CLEC2D: variants seen among roughly 807,000 people sequenced by gnomAD.
CLEC2D encodes C-type lectin domain family 2 member D, also known as C-type lectin related f.
Under a neutral mutation model 20.0 loss-of-function variants are expected in CLEC2D, and 16 were observed. The ratio of observed to expected loss-of-function variants is 0.80; its 90% CI spans 0.54 to 1.22. The LOEUF (loss-of-function observed/expected upper bound fraction) is 1.22. CLEC2D is among the 50% of genes most tolerant of loss of function. The probability of loss-of-function intolerance (pLI) is 0.00; values close to 1 mark genes in which losing one functional copy is unlikely to be tolerated. For missense variants in CLEC2D, 207 were observed against 221.5 expected (o/e 0.93, Z 0.42); for synonymous variants, 77 against 71.1 (o/e 1.08, Z -0.42).
intron 1 of CLEC2D, among the ~76,000 whole-genome samples, chr12:9,680,413 G>T (rs1865610481): frequency 6.6e-6 from 1 of 152,100 alleles, no homozygotes; most frequent in Non-Finnish European, 1.5e-5. Context: ...TGGCTCAGAG[G>T]CCCTCCATGT....
chr12:9,699,241 C>G lies in CLEC2D; in HGVS notation c.*4367C>G, dbSNP rs756434379. ...GGTGATCACTCTGATTCTCTGCATGCATTTTTATAGATTTGTTTGCCATTT... is the reference window on the plus strand; with the variant it reads ...GGTGATCACTCTGATTCTCTGCATGGATTTTTATAGATTTGTTTGCCATTT... On this transcript the variant is annotated 3_prime_UTR_variant, in exon 5 of 5. Transcript: ENST00000290855. The G allele has an allele frequency of 2.0e-5, 3 of 152,174 alleles. No individual in the cohort carries two copies. Among genetic ancestry groups the G allele is most frequent in the Non-Finnish European group, 4.4e-5 (3 of 68,036 alleles). The allele number at this position is 152,174 out of a possible 1,614,324, so 9.4% of individuals were successfully genotyped here.
chr12:9,677,420 T>G (rs1865541570), intron 1 of CLEC2D, among the ~76,000 whole-genome samples: 1 of 152,086 alleles, frequency 6.6e-6, no homozygotes, highest in African/African-American at 2.4e-5. Flanking sequence ...TGGAGATTAG[T>G]GGGATTTTAA....
At chr12:9,692,443 T>C (rs1224676092) in intron 3 of CLEC2D, among the ~76,000 whole-genome samples, 1 of 152,144 alleles carries the variant, frequency 6.6e-6, no homozygotes, top group Non-Finnish European at 1.5e-5. Flanking sequence ...GTGTCATTTC[T>C]TAAAGTTGAC....
rs1865963924 is a variant in CLEC2D at position 9,695,556 on chromosome 12, C to A, written c.*682C>A. The A allele has an allele frequency of 2.2e-6, 3 of 1,355,432 alleles. No individual in the cohort carries two copies. Among genetic ancestry groups the A allele is most frequent in the Admixed American group, 3.4e-5 (2 of 59,494 alleles). 84.0% of individuals were successfully genotyped at this position (1,355,432 alleles called of 1,614,324 possible). On this transcript the variant is annotated 3_prime_UTR_variant, in exon 5 of 5. Transcript: ENST00000290855. Reference sequence around the variant, plus strand: ...GGGCTGGTGCAAAGGATGAACTGCACATTGTTGAAGCAGAGGCCATGAATG... The same window carrying A: ...GGGCTGGTGCAAAGGATGAACTGCAAATTGTTGAAGCAGAGGCCATGAATG...
rs3764021 is a variant in CLEC2D, at chr12:9,681,032, C to T, written c.171C>T (p.Ser57=). 675,943 of 1,465,574 alleles carry T rather than the reference C, an allele frequency of 0.46. 157,513 individuals carry two copies. Among genetic ancestry groups the T allele is most frequent in the Middle Eastern group, 0.57 (3,288 of 5,772 alleles). 90.8% of individuals were successfully genotyped at this position (1,465,574 alleles called of 1,614,324 possible). The change falls in exon 2 of 5, where the codon AGC becomes AGT. Residue 57 remains serine, a splice_region_variant and synonymous_variant. Transcript: ENST00000290855. ...IIVCGMVAAL[S]AIRANCHQEP... ...TGTGTGGAATGGTTGCTGCTTTAAG[C>T]GGTAAGTGAACTGTAATCTTTATTC...
rs184493623 is a variant in CLEC2D at position 9,699,548 on chromosome 12, T to G, written c.*4674T>G. The G allele has an allele frequency of 6.6e-6, 1 of 152,306 alleles. No homozygotes were observed. The highest frequency in any genetic ancestry group is 2.4e-5 in the African/African-American group (1 of 41,564). 9.4% of individuals were successfully genotyped at this position (152,306 alleles called of 1,614,324 possible). On this transcript the variant is annotated 3_prime_UTR_variant, in exon 5 of 5. Transcript: ENST00000290855. Reference sequence around the variant, plus strand: ...ATAAACACTTTGAAAGGCAGTGAACTGTAAATATATTACAGCTATCTCTTA... The same window carrying G: ...ATAAACACTTTGAAAGGCAGTGAACGGTAAATATATTACAGCTATCTCTTA...
chr12:9,672,523 C>T (rs1242859686), intron 1 of CLEC2D, among the ~76,000 whole-genome samples: 1 of 152,124 alleles, frequency 6.6e-6, no homozygotes, highest in Non-Finnish European at 1.5e-5. Context: ...TCCATTTCGA[C>T]CTTGGAGTAT....
At chr12:9,683,611 A>G (rs1329003892) in intron 2 of CLEC2D, among the ~76,000 whole-genome samples, 1 of 152,032 alleles carries the variant, frequency 6.6e-6, no homozygotes, top group Non-Finnish European at 1.5e-5. Flanking sequence ...TTTTCTCAAC[A>G]CCATTTATTA....
chr12:9,685,698 C>T (rs948780748), intron 2 of CLEC2D, among the ~76,000 whole-genome samples: 2 of 152,164 alleles, frequency 1.3e-5, no homozygotes, highest in African/African-American at 4.8e-5. Context: ...GGCGGATGCA[C>T]CTCCCCTCAC....
chr12:9,679,240 T>A (rs1308258881), intron 1 of CLEC2D, among the ~76,000 whole-genome samples: 1 of 152,158 alleles, frequency 6.6e-6, no homozygotes, highest in Admixed American at 6.5e-5. Flanking sequence ...GAAAAATAGT[T>A]TTATTTTACC....
At chr12:9,685,546 A>G (rs1345260888) in intron 2 of CLEC2D, among the ~76,000 whole-genome samples, 1 of 152,182 alleles carries the variant, frequency 6.6e-6, no homozygotes, top group African/African-American at 2.4e-5. Flanking sequence ...CCCAGAGAGG[A>G]GGAATCTAGA....
In CLEC2D at chr12:9,695,601, A is replaced by G; in HGVS notation, c.*727A>G. 2 of 1,549,782 alleles carry G rather than the reference A, an allele frequency of 1.3e-6. No homozygotes were observed. Among genetic ancestry groups the G allele is most frequent in the South Asian group, 2.2e-5 (2 of 90,006 alleles). ...TGAATGACGAAGGCAGTCCAATTAA[A>G]GTAACACTGGCAACTTTGAAAATGT... On this transcript the variant is annotated 3_prime_UTR_variant, in exon 5 of 5. Transcript: ENST00000290855.
Position 9,688,001 on chromosome 12 carries a change from A to G in CLEC2D, c.272A>G (p.Asp91Gly). 1 of 1,613,064 alleles carries G rather than the reference A, an allele frequency of 6.2e-7. No individual in the cohort carries two copies. Among genetic ancestry groups the G allele is most frequent in the Non-Finnish European group, 8.5e-7 (1 of 1,179,540 alleles). ...CAAAGAAAGTGTTTCTATTTTTCTGATGACACCAAGAACTGGACATCAAGT... is the reference window on the plus strand; with the variant it reads ...CAAAGAAAGTGTTTCTATTTTTCTGGTGACACCAAGAACTGGACATCAAGT... ...GFQRKCFYFSDDTKNWTSSQR... is the reference protein window; with the variant it reads ...GFQRKCFYFSGDTKNWTSSQR... Residue 91 changes from aspartate to glycine, a missense_variant, in exon 3 of 5, where the codon GAT becomes GGT. Physicochemically the swap from Asp to Gly is moderately conservative, Grantham distance 94 (BLOSUM62 -1). Transcript: ENST00000290855.
At chr12:9,681,160 C>A (rs780655758) in intron 2 of CLEC2D, 127 bp downstream of exon 2, 2 of 559,290 alleles carry the variant, frequency 3.6e-6, no homozygotes, top group Non-Finnish European at 6.1e-6. Flanking sequence ...AGTTACACTC[C>A]AATAACTTTT....
chr12:9,695,742 G>A lies in CLEC2D; in HGVS notation c.*868G>A. On this transcript the variant is annotated 3_prime_UTR_variant, in exon 5 of 5. Transcript: ENST00000290855. ...GTGGACAGCACTTAGTAGCTGTGAA[G>A]GAAGGTGCAGAGTCAGAAGATGAAG... 7.0e-7 allele frequency: 1 copy of A among 1,433,168 alleles called. No homozygotes were observed. 88.8% of individuals were successfully genotyped at this position (1,433,168 alleles called of 1,614,324 possible).
At chr12:9,684,334 T>C (rs1419036558) in intron 2 of CLEC2D, among the ~76,000 whole-genome samples, 1 of 152,174 alleles carries the variant, frequency 6.6e-6, no homozygotes, top group African/African-American at 2.4e-5. Context: ...CAGAGATAAT[T>C]TGACTTCCTC....
rs1465493893 is a variant in CLEC2D, at chr12:9,694,874, G to C, written c.576G>C (p.Ter192TyrextTer8). ...WICSKSDIHV[*>Y] ...GTTCCAAATCAGATATACATGTCTAGATGTTACAGCAAAGCCCCAACTAAT... is the reference window on the plus strand; with the variant it reads ...GTTCCAAATCAGATATACATGTCTACATGTTACAGCAAAGCCCCAACTAAT... Residue 192 changes from the stop codon to tyrosine, a stop_lost, in exon 5 of 5, where the codon TAG (stop) becomes TAC (tyrosine). Coordinates refer to ENST00000290855, the MANE Select transcript of CLEC2D (RefSeq NM_013269.6). The C allele has an allele frequency of 6.6e-7, 1 of 1,517,994 alleles. No homozygotes were observed. The highest frequency in any genetic ancestry group is 2.3e-5 in the East Asian group (1 of 44,380). 94.0% of individuals were successfully genotyped at this position (1,517,994 alleles called of 1,614,324 possible). A position where few individuals can be genotyped will look rare whatever the true frequency, so the allele number is the denominator to read the frequency against.
intron 3 of CLEC2D, 104 bp downstream of exon 3, chr12:9,688,190 A>ATTTT (rs71045286): frequency 0.018 from 13,771 of 775,534 alleles, 313 homozygotes; most frequent in African/African-American, 0.061. Context: ...TTTTACATTG[A>ATTTT]TTTTTTTTTT....
In CLEC2D at chr12:9,698,871, C is replaced by T. The variant is rs1454652422; in HGVS notation, c.*3997C>T. Reference sequence around the variant, plus strand: ...TCTGTTTCTTAATCCTCTGTTTTCCCAGAGCACAGGAGGAAGTTCTCTGAA... The same window carrying T: ...TCTGTTTCTTAATCCTCTGTTTTCCTAGAGCACAGGAGGAAGTTCTCTGAA... On this transcript the variant is annotated 3_prime_UTR_variant, in exon 5 of 5. Coordinates refer to ENST00000290855, the MANE Select transcript of CLEC2D (RefSeq NM_013269.6). 6.6e-6 allele frequency: 1 copy of T among 152,100 alleles called. No homozygotes were observed. The highest frequency in any genetic ancestry group is 2.4e-5 in the African/African-American group (1 of 41,412). The allele number at this position is 152,100 out of a possible 1,614,324, so 9.4% of individuals were successfully genotyped here. A position where few individuals can be genotyped will look rare whatever the true frequency, so the allele number is the denominator to read the frequency against.
Sources: gnomAD v4.1 joint callset for allele counts (sites outside exome capture counted in the v4.1 genomes callset) on GRCh38, gnomAD v4.1.1 for gene constraint, MANE v1.5 for transcripts, NCBI Gene and HGNC (gene_info 2026-07-23, HGNC 2026-07-21) for gene names.